Variants in BBS9 observed in about 807,000 individuals in gnomAD.
The protein encoded by BBS9 is Bardet-Biedl syndrome 9.
In BBS9, 89 loss-of-function variants were observed where a neutral mutation model predicts 117.7. That is an observed-to-expected ratio of 0.76 (90% CI 0.64 to 0.90). The LOEUF is 0.90. Ranked by LOEUF, BBS9 falls within the 40% of genes least tolerant of loss-of-function variation. The pLI is 0.00. For missense variants in BBS9, 982 were observed against 1,042.2 expected (o/e 0.94, Z 0.80); for synonymous variants, 379 against 370.9 (o/e 1.02, Z -0.25).
chr7:33,521,643 T>TC (rs945480101), intron 20 of BBS9, among the ~76,000 whole-genome samples: 1 of 80 alleles, frequency 0.013, no homozygotes, highest in Admixed American at 0.25. Flanking sequence ...TATAAAAACA[T>TC]GAATATGATT....
chr7:33,506,327 G>A (rs976481715), intron 20 of BBS9, among the ~76,000 whole-genome samples: 3 of 152,012 alleles, frequency 2.0e-5, no homozygotes, highest in Admixed American at 6.6e-5. Flanking sequence ...TACAAATCTC[G>A]GAAATTAGAG....
chr7:33,355,722 T>C (rs1195180473), intron 15 of BBS9, among the ~76,000 whole-genome samples: 1 of 151,940 alleles, frequency 6.6e-6, no homozygotes, highest in East Asian at 1.9e-4. Flanking sequence ...TGAGTTACAA[T>C]GTATTTTCCT....
chr7:33,377,232 A>T (rs1824066221), intron 17 of BBS9, among the ~76,000 whole-genome samples: 1 of 152,158 alleles, frequency 6.6e-6, no homozygotes, highest in Admixed American at 6.5e-5. Flanking sequence ...ATGTGGTGTA[A>T]GGAAGAGGTC....
At chr7:33,151,632 C>T (rs1584171480) in intron 2 of BBS9, among the ~76,000 whole-genome samples, 4 of 152,212 alleles carry the variant, frequency 2.6e-5, no homozygotes, top group African/African-American at 7.2e-5. Context: ...TCAATGCAGC[C>T]TCCACTTCCC....
intron 5 of BBS9, among the ~76,000 whole-genome samples, chr7:33,188,112 G>GTGTGTGTGTGTGT (rs373410318): frequency 4.2e-5 from 5 of 120,332 alleles, no homozygotes; most frequent in South Asian, 3.2e-4. Context: ...GTGTGTGTGT[G>GTGTGTGTGTGTGT]GCGGGTGGGG....
chr7:33,317,392 A>AT (rs1354382431), intron 9 of BBS9, among the ~76,000 whole-genome samples: 32 of 151,950 alleles, frequency 2.1e-4, no homozygotes, highest in African/African-American at 7.3e-5. Flanking sequence ...TAAAAAAAAA[A>AT]GCTGGCTGGG....
chr7:33,284,255 T>C (rs1802460515), intron 9 of BBS9, among the ~76,000 whole-genome samples: 1 of 152,194 alleles, frequency 6.6e-6, no homozygotes, highest in Non-Finnish European at 1.5e-5. Flanking sequence ...ATTGTGACTG[T>C]AGTCATTTCC....
chr7:33,598,971 T>C (rs1484191977), intron 21 of BBS9, among the ~76,000 whole-genome samples: 1 of 152,216 alleles, frequency 6.6e-6, no homozygotes, highest in Non-Finnish European at 1.5e-5. Context: ...CAGCCAGTGC[T>C]CATTCACATT....
chr7:33,196,035 A>G (rs2128202428), intron 5 of BBS9, among the ~76,000 whole-genome samples: 1 of 152,270 alleles, frequency 6.6e-6, no homozygotes, highest in East Asian at 1.9e-4. Flanking sequence ...GCATAGTGGA[A>G]TATTTTTTAA....
At chr7:33,454,670 G>A (rs1204101434) in intron 19 of BBS9, among the ~76,000 whole-genome samples, 1 of 152,200 alleles carries the variant, frequency 6.6e-6, no homozygotes, top group Non-Finnish European at 1.5e-5. Context: ...AATCATAATG[G>A]CTACTGCACT....
chr7:33,279,183 C>T (rs1801349370), intron 9 of BBS9, among the ~76,000 whole-genome samples: 1 of 152,070 alleles, frequency 6.6e-6, no homozygotes, highest in African/African-American at 2.4e-5. Context: ...CATATGCCTC[C>T]TCCTGTCTCA....
At chr7:33,593,229 C>T (rs1054682701) in intron 21 of BBS9, among the ~76,000 whole-genome samples, 1 of 152,078 alleles carries the variant, frequency 6.6e-6, no homozygotes, top group African/African-American at 2.4e-5. Flanking sequence ...GCAGAGTGTT[C>T]CAGACATTGA....
intron 5 of BBS9, among the ~76,000 whole-genome samples, chr7:33,247,034 C>A (rs1286104992): frequency 6.6e-6 from 1 of 151,544 alleles, no homozygotes; most frequent in Non-Finnish European, 1.5e-5. Flanking sequence ...GTCTTAAAAC[C>A]CCCCCATTTT....
intron 1 of BBS9, among the ~76,000 whole-genome samples, chr7:33,138,645 A>AT (rs1037877594): frequency 2.3e-4 from 34 of 151,106 alleles, no homozygotes; most frequent in African/African-American, 8.0e-4. Context: ...TGATATATAT[A>AT]TTTTTAAGAG....
At chr7:33,248,850 T>C (rs1795784230) in intron 5 of BBS9, among the ~76,000 whole-genome samples, 1 of 152,198 alleles carries the variant, frequency 6.6e-6, no homozygotes, top group Admixed American at 6.5e-5. Context: ...CCTTTTTGAC[T>C]ACCTATACAG....
At chr7:33,542,245 C>T (rs949495779) in intron 21 of BBS9, among the ~76,000 whole-genome samples, 3 of 151,990 alleles carry the variant, frequency 2.0e-5, no homozygotes, top group Admixed American at 6.6e-5. Context: ...CCACCATGCC[C>T]GGCTAATTTT....
chr7:33,434,110 A>G (rs958812896), intron 19 of BBS9, among the ~76,000 whole-genome samples: 1 of 151,868 alleles, frequency 6.6e-6, no homozygotes, highest in Non-Finnish European at 1.5e-5. Flanking sequence ...TTTTATCAAT[A>G]ATGATGGATA....
At chr7:33,529,013 C>G (rs1263088116) in intron 20 of BBS9, among the ~76,000 whole-genome samples, 1 of 152,186 alleles carries the variant, frequency 6.6e-6, no homozygotes, top group Non-Finnish European at 1.5e-5. Context: ...TAAAGCAAAG[C>G]AGTCAGAAAT....
chr7:33,263,043 A>G (rs1367066920), intron 6 of BBS9, among the ~76,000 whole-genome samples: 1 of 152,156 alleles, frequency 6.6e-6, no homozygotes, highest in East Asian at 1.9e-4. Flanking sequence ...TAATGTTTGT[A>G]TTGGATCCCT....
Sources: gnomAD v4.1 joint callset for allele counts (sites outside exome capture counted in the v4.1 genomes callset) on GRCh38, gnomAD v4.1.1 for gene constraint, MANE v1.5 for transcripts, NCBI Gene and HGNC (gene_info 2026-07-23, HGNC 2026-07-21) for gene names.